COL21A1: variants seen among roughly 807,000 people sequenced by gnomAD.
COL21A1 encodes collagen type XXI alpha 1 chain, also known as collagen alpha-1(XXI) chain.
COL21A1 carries 149 observed loss-of-function variants against 137.9 expected under a neutral mutation model. The observed-to-expected ratio is 1.08, with a 90% confidence interval of 0.95 to 1.24. COL21A1 has a LOEUF of 1.24. Among genes scored for constraint, COL21A1 ranks in the 50% most tolerant of loss-of-function variants. The pLI is 0.00. For synonymous variants in COL21A1, 456 were observed against 391.5 expected (o/e 1.16, Z -1.95); for missense variants, 1,167 against 1,158.4 (o/e 1.01, Z -0.11).
chr6:56,156,320 G>A (rs891055890), intron 10 of COL21A1, among the ~76,000 whole-genome samples: 1 of 152,152 alleles, frequency 6.6e-6, no homozygotes, highest in Non-Finnish European at 1.5e-5. Flanking sequence ...CTAAACTTAG[G>A]CAGCTTTCTT....
At chr6:56,069,198 A>C in intron 21 of COL21A1, 81 bp from the exon 22 acceptor site, 1 of 766,834 alleles carries the variant, frequency 1.3e-6, no homozygotes, top group Non-Finnish European at 2.0e-6. Flanking sequence ...TACATATCTC[A>C]ATTTTAAAAT....
chr6:56,147,634 C>T (rs1416695489), intron 10 of COL21A1, among the ~76,000 whole-genome samples: 1 of 151,902 alleles, frequency 6.6e-6, no homozygotes, highest in Non-Finnish European at 1.5e-5. Context: ...ATTTAATATA[C>T]CAATAACATT....
At chr6:56,233,085 C>T (rs1027223067) in intron 1 of COL21A1, among the ~76,000 whole-genome samples, 1 of 151,768 alleles carries the variant, frequency 6.6e-6, no homozygotes, top group Admixed American at 6.6e-5. Flanking sequence ...GCAACTCCTT[C>T]TATTTGTATC....
intron 1 of COL21A1, among the ~76,000 whole-genome samples, chr6:56,215,525 A>G (rs1447170564): frequency 1.3e-5 from 2 of 152,028 alleles, no homozygotes; most frequent in Non-Finnish European, 2.9e-5. Context: ...CATAGTCGAA[A>G]CTACTGGTTT....
intron 25 of COL21A1, 108 bp downstream of exon 25, chr6:56,061,541 T>C: frequency 1.7e-6 from 1 of 593,828 alleles, no homozygotes; most frequent in Middle Eastern, 2.7e-4. Flanking sequence ...ATGAAAAACA[T>C]TTCGTTTTCT....
chr6:56,091,995 A>G (rs1768863714), intron 17 of COL21A1, among the ~76,000 whole-genome samples: 1 of 152,286 alleles, frequency 6.6e-6, no homozygotes, highest in Non-Finnish European at 1.5e-5. Context: ...CAAAATATTA[A>G]GTTAGGAAAA....
chr6:56,325,098 G>A (rs1764976329), intron 1 of COL21A1, among the ~76,000 whole-genome samples: 2 of 148,704 alleles, frequency 1.3e-5, no homozygotes, highest in Non-Finnish European at 3.0e-5. Context: ...ATAATACTCA[G>A]GTTCACCTGT....
intron 16 of COL21A1, among the ~76,000 whole-genome samples, chr6:56,108,921 C>A (rs1326566622): frequency 6.6e-6 from 1 of 151,660 alleles, no homozygotes; most frequent in Non-Finnish European, 1.5e-5. Context: ...AAATTAGCAA[C>A]AAAATCTAAA....
intron 1 of COL21A1, among the ~76,000 whole-genome samples, chr6:56,210,537 G>A (rs966295711): frequency 2.0e-5 from 3 of 152,110 alleles, no homozygotes; most frequent in African/African-American, 7.2e-5. Flanking sequence ...ATATTGTTAG[G>A]TGGAAGATTA....
In COL21A1 at chr6:56,164,477, T is replaced by C; in HGVS notation, c.1317A>G (p.Ser439=). Residue 439 remains serine (S), a synonymous_variant, in exon 9 of 30, where the codon TCA becomes TCG. Transcript: ENST00000244728. ...ECLNGPSDVG[S]TPAPCICPPG... Reference sequence around the variant, plus strand: ...GAGGACAAATACAGGGAGCTGGAGTTGAACCTACATCACTGGGACCATTAA... The same window carrying C: ...GAGGACAAATACAGGGAGCTGGAGTCGAACCTACATCACTGGGACCATTAA... The C allele has an allele frequency of 4.4e-6, 7 of 1,589,142 alleles. No homozygotes were observed. Among genetic ancestry groups the C allele is most frequent in the Admixed American group, 1.8e-5 (1 of 56,456 alleles).
chr6:56,370,870 C>T (rs1419928330), intron 1 of COL21A1, among the ~76,000 whole-genome samples: 1 of 152,218 alleles, frequency 6.6e-6, no homozygotes, highest in Non-Finnish European at 1.5e-5. Context: ...CAGTTCCTTC[C>T]ATTCCCAGAA....
intron 1 of COL21A1, among the ~76,000 whole-genome samples, chr6:56,260,685 AAGGAAGGCAGGCAGGC>A (rs1562028969): frequency 1.3e-4 from 14 of 105,216 alleles, no homozygotes; most frequent in Admixed American, 2.8e-4. Context: ...GGAAGGAAGG[AAGGAAGGCAGGCAGGC>A]AGGCAGGCAG....
intron 1 of COL21A1, among the ~76,000 whole-genome samples, chr6:56,238,983 A>G (rs1009450392): frequency 1.3e-5 from 2 of 152,168 alleles, no homozygotes; most frequent in African/African-American, 2.4e-5. Context: ...CTCTGAATAC[A>G]CACTTGACAC....
intron 1 of COL21A1, among the ~76,000 whole-genome samples, chr6:56,256,597 C>A (rs560154631): frequency 5.5e-4 from 84 of 152,240 alleles, no homozygotes; most frequent in Non-Finnish European, 1.1e-3. Flanking sequence ...CAAAGCTGTA[C>A]TCTATACAAT....
chr6:56,130,184 TATATATATATATATATATATA>T lies in COL21A1; in HGVS notation c.1543-4056_1543-4036del, dbSNP rs1773425396. On this transcript the variant is annotated intron_variant, in intron 12 of 29. Coordinates refer to ENST00000244728, the MANE Select transcript of COL21A1 (RefSeq NM_030820.4). The stretch of plus-strand genomic sequence containing the variant: ...AGGGTTTTATATATATATATATATA[TATATATATATATATATATATA>T]TATATAAAATTTCAAATTACATATT... Among the ~76,000 whole-genome samples, 10 of 117,510 alleles carry T rather than the reference TATATATATATATATATATATA, an allele frequency of 8.5e-5. 1 individual carries two copies. The Admixed American group carries it at 9.1e-4, about 11-fold the overall frequency. 77.1% of individuals were successfully genotyped at this position (117,510 alleles called of 152,430 possible). A position where few individuals can be genotyped will look rare whatever the true frequency, so the allele number is the denominator to read the frequency against.
chr6:56,188,307 C>T (rs1382611267), intron 1 of COL21A1, among the ~76,000 whole-genome samples: 2 of 152,110 alleles, frequency 1.3e-5, no homozygotes, highest in Non-Finnish European at 2.9e-5. Context: ...ATTGTGTGTC[C>T]ACAGCAAAAG....
chr6:56,239,808 G>T (rs1462167210), intron 1 of COL21A1, among the ~76,000 whole-genome samples: 1 of 152,156 alleles, frequency 6.6e-6, no homozygotes, highest in East Asian at 1.9e-4. Context: ...GTATTAAGCG[G>T]TGAGGCCTTT....
At chr6:56,212,356 G>T (rs1162805848) in intron 1 of COL21A1, among the ~76,000 whole-genome samples, 4 of 151,814 alleles carry the variant, frequency 2.6e-5, no homozygotes, top group African/African-American at 9.7e-5. Flanking sequence ...CCCACCAAAA[G>T]AATATTATTC....
intron 1 of COL21A1, among the ~76,000 whole-genome samples, chr6:56,334,192 T>C (rs1194220600): frequency 1.3e-5 from 2 of 152,260 alleles, no homozygotes; most frequent in South Asian, 2.1e-4. Context: ...TAATTATGTA[T>C]ATACTTGTCC....
Sources: allele counts gnomAD v4.1 joint callset (sites outside exome capture counted in the v4.1 genomes callset), GRCh38; gene constraint gnomAD v4.1.1; transcripts MANE v1.5; gene names NCBI Gene and HGNC (gene_info 2026-07-23, HGNC 2026-07-21).